FAM163A: variants seen among roughly 807,000 people sequenced by gnomAD.
FAM163A encodes the protein protein FAM163A.
Under a neutral mutation model 12.0 loss-of-function variants are expected in FAM163A, and 7 were observed. The observed-to-expected ratio is 0.58, with a 90% CI of 0.33 to 1.10. The LOEUF (loss-of-function observed/expected upper bound fraction) is 1.10. FAM163A is among the 50% of genes least tolerant of loss of function. The pLI is 0.03. For synonymous variants in FAM163A, 101 were observed against 91.0 expected (o/e 1.11, Z -0.62); for missense variants, 202 against 218.6 (o/e 0.92, Z 0.48).
At chr1:179,730,011 T>C in the FAM163A span, among the ~76,000 whole-genome samples, 1 of 152,174 alleles carries the variant, frequency 6.6e-6, no homozygotes, top group Admixed American at 6.5e-5. Flanking sequence ...CTCCTACCTT[T>C]GGGATCTGGC....
chr1:179,742,590 CA>C (rs1201155967), upstream of FAM163A: 1 of 152,318 alleles, frequency 6.6e-6, no homozygotes, highest in Admixed American at 6.5e-5. Flanking sequence ...CATGTTCTCT[CA>C]GCAGACCCTC....
chr1:179,760,311 G>A (rs1266703799), intron 1 of FAM163A, among the ~76,000 whole-genome samples: 2 of 152,166 alleles, frequency 1.3e-5, no homozygotes, highest in Non-Finnish European at 2.9e-5. Context: ...TATGCCCAAT[G>A]TGTAAGGCTG....
chr1:179,794,097 G>A (rs924241571), intron 1 of FAM163A, among the ~76,000 whole-genome samples: 8 of 152,162 alleles, frequency 5.3e-5, no homozygotes, highest in Non-Finnish European at 7.4e-5. Flanking sequence ...ACAGGGCAGC[G>A]GCTGCCCTTA....
chr1:179,810,095 TG>T (rs1478567187), intron 2 of FAM163A, among the ~76,000 whole-genome samples: 4 of 152,212 alleles, frequency 2.6e-5, no homozygotes, highest in Non-Finnish European at 5.9e-5. Context: ...GTGTCAGGCA[TG>T]GTGTATAAGG....
intron 1 of FAM163A, among the ~76,000 whole-genome samples, chr1:179,799,110 G>A (rs546958567): frequency 4.7e-5 from 7 of 148,960 alleles, no homozygotes; most frequent in Non-Finnish European, 7.4e-5. Flanking sequence ...CTGGAAGAAA[G>A]TGAAACAAGT....
intron 1 of FAM163A, among the ~76,000 whole-genome samples, chr1:179,751,832 A>G (rs1685316628): frequency 6.6e-6 from 1 of 152,206 alleles, no homozygotes; most frequent in Non-Finnish European, 1.5e-5. Flanking sequence ...ATGGAAAGAC[A>G]TCCTGTGTTC....
intron 1 of FAM163A, among the ~76,000 whole-genome samples, chr1:179,761,659 A>G (rs1428465741): frequency 6.6e-6 from 1 of 152,234 alleles, no homozygotes; most frequent in Non-Finnish European, 1.5e-5. Flanking sequence ...GAATAAAGAC[A>G]GGGCCGGCTC....
intron 1 of FAM163A, among the ~76,000 whole-genome samples, chr1:179,762,422 T>G (rs572315432): frequency 1.3e-5 from 2 of 152,138 alleles, no homozygotes; most frequent in Non-Finnish European, 2.9e-5. Flanking sequence ...CTGGTTGCGC[T>G]CCTATGCACA....
chr1:179,788,012 C>G (rs1690899694), intron 1 of FAM163A, among the ~76,000 whole-genome samples: 1 of 152,206 alleles, frequency 6.6e-6, no homozygotes, highest in South Asian at 2.1e-4. Context: ...TAGGAGACAA[C>G]AAGTTAATAT....
At chr1:179,771,083 C>G (rs1688212941) in intron 1 of FAM163A, among the ~76,000 whole-genome samples, 1 of 152,154 alleles carries the variant, frequency 6.6e-6, no homozygotes, top group South Asian at 2.1e-4. Context: ...CCGGTATGAT[C>G]TCAAGCACAC....
chr1:179,794,233 C>A (rs143794606), intron 1 of FAM163A, among the ~76,000 whole-genome samples: 28 of 152,356 alleles, frequency 1.8e-4, no homozygotes, highest in African/African-American at 6.7e-4. Flanking sequence ...GGGGAGAAGA[C>A]AACTGGTTCT....
At chr1:179,813,751 T>A in intron 4 of FAM163A, 28 bp from the exon 5 acceptor site, 1 of 1,612,740 alleles carries the variant, frequency 6.2e-7, no homozygotes, top group Non-Finnish European at 8.5e-7. Context: ...ATTCACCCTC[T>A]CAGGCATCCC....
In FAM163A at chr1:179,813,995, C is replaced by G; in HGVS notation, c.310C>G (p.Pro104Ala). Residue 104 changes from proline (P) to alanine (A), a missense_variant, in exon 5 of 5, where the codon CCC (proline) becomes GCC (alanine). Pro to Ala is a conservative substitution (Grantham distance 27). Transcript: ENST00000341785. Reference sequence around the variant, plus strand: ...CACTACCTGCTCCCCATACAGCTCCCCCTTTTACATACGGACGGCTGACAT... The same window carrying G: ...CACTACCTGCTCCCCATACAGCTCCGCCTTTTACATACGGACGGCTGACAT... ...HCTTCSPYSS[P>A]FYIRTADMVP... 3 of 1,613,368 alleles carry G rather than the reference C, an allele frequency of 1.9e-6. No homozygotes were observed. The highest frequency in any genetic ancestry group is 1.1e-5 in the South Asian group (1 of 91,030).
chr1:179,801,052 C>T (rs1001425787), intron 1 of FAM163A, among the ~76,000 whole-genome samples: 3 of 152,110 alleles, frequency 2.0e-5, no homozygotes, highest in Non-Finnish European at 4.4e-5. Context: ...GCTCCAAACT[C>T]CTCCCTCCAC....
intron 1 of FAM163A, among the ~76,000 whole-genome samples, chr1:179,790,457 A>G (rs1691297019): frequency 6.6e-6 from 1 of 152,094 alleles, no homozygotes; most frequent in Non-Finnish European, 1.5e-5. Flanking sequence ...TCTGGCTGAC[A>G]GTCTCTAGAA....
At chr1:179,801,394 C>T (rs1693154791) in intron 1 of FAM163A, among the ~76,000 whole-genome samples, 1 of 152,148 alleles carries the variant, frequency 6.6e-6, no homozygotes, top group South Asian at 2.1e-4. Context: ...ACTCCCAAAC[C>T]TCAGCACAGC....
chr1:179,736,848 C>G, the FAM163A span, among the ~76,000 whole-genome samples: 3 of 151,878 alleles, frequency 2.0e-5, no homozygotes, highest in Non-Finnish European at 4.4e-5. Context: ...CAAAAGGTAA[C>G]AAGTATTGGC....
chr1:179,769,440 A>G (rs1299005420), intron 1 of FAM163A, among the ~76,000 whole-genome samples: 1 of 152,128 alleles, frequency 6.6e-6, no homozygotes, highest in Non-Finnish European at 1.5e-5. Context: ...GAGGTCTTCC[A>G]AAATAAAAAT....
chr1:179,729,016 A>T, the FAM163A span, among the ~76,000 whole-genome samples: 1 of 152,082 alleles, frequency 6.6e-6, no homozygotes, highest in Non-Finnish European at 1.5e-5. Context: ...GAAAGACAAC[A>T]TTTCTCTCCT....
Sources: allele counts gnomAD v4.1 joint callset (sites outside exome capture counted in the v4.1 genomes callset), GRCh38; gene constraint gnomAD v4.1.1; transcripts MANE v1.5; gene names NCBI Gene and HGNC (gene_info 2026-07-23, HGNC 2026-07-21).